ENOX1: variants seen among roughly 807,000 people sequenced by gnomAD.
The protein encoded by ENOX1 is candidate growth-related and time keeping constitutive hydroquinone (NADH) oxidase.
In ENOX1, 42 loss-of-function variants were observed where a neutral mutation model predicts 82.5. The observed-to-expected ratio is 0.51, with a 90% CI of 0.40 to 0.66. ENOX1 has a LOEUF of 0.66. ENOX1 is among the 30% of genes least tolerant of loss of function. The probability of loss-of-function intolerance (pLI) is 0.00; values close to 1 mark genes in which losing one functional copy is unlikely to be tolerated. For missense variants in ENOX1, 608 were observed against 811.6 expected, an observed-to-expected ratio of 0.75 and a Z score of 3.05; for synonymous variants, 271 against 282.2, an observed-to-expected ratio of 0.96 and a Z score of 0.40.
chr13:43,318,316 C>T (rs550521912), intron 11 of ENOX1, among the ~76,000 whole-genome samples: 2 of 152,142 alleles, frequency 1.3e-5, no homozygotes, highest in East Asian at 1.9e-4. Flanking sequence ...TTTAATTTAC[C>T]AGCTTTAGGA....
Position 43,576,527 on chromosome 13 carries a change from G to A in ENOX1, c.-219+90952C>T, listed in dbSNP as rs150419170. ...AAATGTGCCTAGTTCACATTAAGAT[G>A]TGCTGTAGTGTAAAACACATGCCAG... On this transcript the variant is annotated intron_variant, in intron 2 of 16. Coordinates refer to ENST00000690772, the MANE Select transcript of ENOX1 (RefSeq NM_001347969.2). 2.6e-5 allele frequency among the ~76,000 whole-genome samples: 4 copies of A among 152,134 alleles called. No homozygotes were observed. In the East Asian group the frequency reaches 7.7e-4, roughly 29 times the overall value.
chr13:43,478,598 A>G (rs1271988596), intron 3 of ENOX1, among the ~76,000 whole-genome samples: 3 of 152,202 alleles, frequency 2.0e-5, no homozygotes, highest in African/African-American at 7.2e-5. Flanking sequence ...GCCTTTTCAT[A>G]GATGATACAT....
chr13:43,561,641 G>A (rs2079673569), intron 2 of ENOX1, among the ~76,000 whole-genome samples: 1 of 152,122 alleles, frequency 6.6e-6, no homozygotes, highest in African/African-American at 2.4e-5. Context: ...CAAAAATCAA[G>A]TAAGTATTAG....
At chr13:43,555,628 G>C (rs2079400038) in intron 2 of ENOX1, among the ~76,000 whole-genome samples, 1 of 152,168 alleles carries the variant, frequency 6.6e-6, no homozygotes, top group Admixed American at 6.5e-5. Context: ...AGCCCCGACA[G>C]AGGATGGAGA....
At chr13:43,375,455 A>G (rs1482423931) in intron 5 of ENOX1, among the ~76,000 whole-genome samples, 2 of 152,192 alleles carry the variant, frequency 1.3e-5, no homozygotes, top group African/African-American at 4.8e-5. Flanking sequence ...AACATGTATT[A>G]ATTACGTACA....
intron 12 of ENOX1, among the ~76,000 whole-genome samples, chr13:43,290,409 A>C (rs910485510): frequency 6.6e-6 from 1 of 152,172 alleles, no homozygotes. Flanking sequence ...CACAGAATAC[A>C]ACTACAACCA....
chr13:43,745,882 G>A (rs1566868233), intron 1 of ENOX1, among the ~76,000 whole-genome samples: 1 of 152,138 alleles, frequency 6.6e-6, no homozygotes, highest in Non-Finnish European at 1.5e-5. Flanking sequence ...GCCATGTGAA[G>A]AAGGACATGT....
intron 2 of ENOX1, among the ~76,000 whole-genome samples, chr13:43,548,323 T>C (rs1447986620): frequency 1.3e-5 from 2 of 152,120 alleles, no homozygotes. Flanking sequence ...TTCCACACAA[T>C]AGAAACCAAA....
intron 2 of ENOX1, among the ~76,000 whole-genome samples, chr13:43,630,773 G>A (rs2153750670): frequency 6.6e-6 from 1 of 151,418 alleles, no homozygotes. Flanking sequence ...ATAAATTACT[G>A]TAAAATGTTT....
intron 2 of ENOX1, among the ~76,000 whole-genome samples, chr13:43,606,937 G>A (rs1452648849): frequency 1.3e-5 from 2 of 152,140 alleles, no homozygotes; most frequent in South Asian, 2.1e-4. Context: ...GAGCCCAGGA[G>A]GCAGAGGTTG....
Position 43,618,453 on chromosome 13 carries a change from A to G in ENOX1, c.-219+49026T>C, listed in dbSNP as rs568563122. Among the ~76,000 whole-genome samples, 4 of 152,284 alleles carry G rather than the reference A, an allele frequency of 2.6e-5. No homozygotes were observed. In the South Asian group the frequency reaches 6.2e-4, roughly 24 times the overall value. Reference sequence around the variant, plus strand: ...TGAGGAACCAGTTTCATTCTCCTACATGTGGCTAGCCAATTATCCCAGCAC... The same window carrying G: ...TGAGGAACCAGTTTCATTCTCCTACGTGTGGCTAGCCAATTATCCCAGCAC... On this transcript the variant is annotated intron_variant, in intron 2 of 16. Coordinates refer to ENST00000690772, the MANE Select transcript of ENOX1 (RefSeq NM_001347969.2).
intron 9 of ENOX1, among the ~76,000 whole-genome samples, chr13:43,329,459 G>A (rs752094879): frequency 6.6e-6 from 1 of 152,070 alleles, no homozygotes; most frequent in Non-Finnish European, 1.5e-5. Flanking sequence ...AACAAGCATC[G>A]GTGGAGGGCT....
At chr13:43,712,125 C>T (rs967131993) in intron 1 of ENOX1, among the ~76,000 whole-genome samples, 2 of 150,318 alleles carry the variant, frequency 1.3e-5, no homozygotes, top group Non-Finnish European at 3.0e-5. Context: ...GATCCAGTTT[C>T]AGCTTTCTAC....
chr13:43,236,210 C>T (rs1323278451), intron 15 of ENOX1, among the ~76,000 whole-genome samples: 1 of 152,144 alleles, frequency 6.6e-6, no homozygotes, highest in South Asian at 2.1e-4. Flanking sequence ...CAGGTCTAGC[C>T]TTGGGAGTGA....
chr13:43,713,862 C>A (rs1015088624), intron 1 of ENOX1, among the ~76,000 whole-genome samples: 1 of 151,746 alleles, frequency 6.6e-6, no homozygotes, highest in African/African-American at 2.4e-5. Context: ...TTCAAAAAAC[C>A]AGCTCCTGGA....
chr13:43,767,278 A>G (rs1210694914), intron 1 of ENOX1, among the ~76,000 whole-genome samples: 1 of 152,200 alleles, frequency 6.6e-6, no homozygotes, highest in African/African-American at 2.4e-5. Flanking sequence ...CATCTTCAAC[A>G]ATGAAACACA....
At chr13:43,302,992 G>C (rs2046666308) in intron 11 of ENOX1, among the ~76,000 whole-genome samples, 1 of 152,198 alleles carries the variant, frequency 6.6e-6, no homozygotes, top group African/African-American at 2.4e-5. Flanking sequence ...AACAATATCT[G>C]TGTTTCTCCA....
intron 2 of ENOX1, among the ~76,000 whole-genome samples, chr13:43,531,540 G>T (rs1412541420): frequency 2.7e-5 from 4 of 148,726 alleles, no homozygotes; most frequent in Non-Finnish European, 6.0e-5. Context: ...TCTAGAACTA[G>T]AAATACCATT....
At chr13:43,295,291 GTGTTACCA>G (rs1445575871) in intron 12 of ENOX1, among the ~76,000 whole-genome samples, 1 of 152,178 alleles carries the variant, frequency 6.6e-6, no homozygotes, top group Non-Finnish European at 1.5e-5. Context: ...AAAGGCTACC[GTGTTACCA>G]TGGATACAAG....
Sources: allele counts gnomAD v4.1 joint callset (sites outside exome capture counted in the v4.1 genomes callset), GRCh38; gene constraint gnomAD v4.1.1; transcripts MANE v1.5; gene names NCBI Gene and HGNC (gene_info 2026-07-23, HGNC 2026-07-21).